Variants in IGLON5 observed in about 807,000 individuals in gnomAD.
IGLON5 encodes IgLON family member 5, also known as Ig-like domain-containing protein ENSP00000270642.
Under a neutral mutation model 38.2 loss-of-function variants are expected in IGLON5, and 16 were observed. The observed-to-expected ratio is 0.42, with a 90% CI of 0.28 to 0.64. The LOEUF (loss-of-function observed/expected upper bound fraction) is 0.64. Ranked by LOEUF, IGLON5 falls within the 30% of genes least tolerant of loss-of-function variation. IGLON5 has a pLI of 0.23. For synonymous variants in IGLON5, 207 were observed against 216.4 expected, an observed-to-expected ratio of 0.96 and a Z score of 0.38; for missense variants, 366 against 483.4, an observed-to-expected ratio of 0.76 and a Z score of 2.28.
chr19:51,328,699 G>C lies in IGLON5; in HGVS notation c.951G>C (p.Pro317=). Residue 317 remains proline (P), a synonymous_variant, in exon 8 of 8, where the codon CCG becomes CCC. Transcript: ENST00000270642. The part of the protein sequence containing the change: ...LRPGSLENSA[P]RPPGLLALLS... Reference sequence around the variant, plus strand: ...CAGGATCCCTGGAGAACTCAGCCCCGAGGCCCCCAGGGCTCCTGGCCCTCC... The same window carrying C: ...CAGGATCCCTGGAGAACTCAGCCCCCAGGCCCCCAGGGCTCCTGGCCCTCC... 6.3e-7 allele frequency: 1 copy of C among 1,595,582 alleles called. No homozygotes were observed. The highest frequency in any genetic ancestry group is 1.7e-5 in the Admixed American group (1 of 57,494).
At chr19:51,312,392 G>A (rs1188070149) in intron 1 of IGLON5, among the ~76,000 whole-genome samples, 3 of 152,110 alleles carry the variant, frequency 2.0e-5, no homozygotes, top group Non-Finnish European at 4.4e-5. Context: ...CCGGGGGCTG[G>A]GGTAGTCATC....
At position 51,327,590 on chromosome 19, in the gene IGLON5, C is replaced by T; in HGVS notation, c.768-142C>T. 1 of 1,222,264 alleles carries T rather than the reference C, an allele frequency of 8.2e-7. No homozygotes were observed. Among genetic ancestry groups the T allele is most frequent in the Non-Finnish European group, 1.1e-6 (1 of 891,698 alleles). 75.7% of individuals were successfully genotyped at this position (1,222,264 alleles called of 1,614,324 possible). A position where few individuals can be genotyped will look rare whatever the true frequency, so the allele number is the denominator to read the frequency against. On this transcript the variant is annotated intron_variant, in intron 6 of 7. Transcript: ENST00000270642. The surrounding 1 kb of genome is among the most constrained non-coding windows in gnomAD (Gnocchi z 7.1). ...GCGGCGGTGGGAGTGACCCGAGGTA[C>T]ATGAGGTGCTAGAACCCGAGGCGAT...
rs1293535898 is a variant in IGLON5 at position 51,330,448 on chromosome 19, A to AG, written c.*1689_*1690insG. 6.6e-6 allele frequency: 1 copy of AG among 152,192 alleles called. No individual in the cohort carries two copies. Among genetic ancestry groups the AG allele is most frequent in the African/African-American group, 2.4e-5 (1 of 41,428 alleles). The allele number at this position is 152,192 out of a possible 1,614,324, so 9.4% of individuals were successfully genotyped here. ...GTGGTGCCTCTCCAGCATCATTCCT[A>AG]CCGCCTACTTTCTCACTGGTAGACT... On this transcript the variant is annotated 3_prime_UTR_variant, in exon 8 of 8. Coordinates refer to ENST00000270642, the MANE Select transcript of IGLON5 (RefSeq NM_001101372.3).
chr19:51,325,357 A>C lies in IGLON5; in HGVS notation c.403A>C (p.Ile135Leu). Reference protein sequence around the residue: ...VYLIVHVPARIVNISSPVTVN... With the variant: ...VYLIVHVPARLVNISSPVTVN... Reference sequence around the variant, plus strand: ...GCCGCTGCCCGCAGTCCCTGCCCGCATTGTGAACATCTCGTCGCCTGTGAC... The same window carrying C: ...GCCGCTGCCCGCAGTCCCTGCCCGCCTTGTGAACATCTCGTCGCCTGTGAC... Residue 135 changes from isoleucine to leucine, a missense_variant, in exon 4 of 8, where the codon ATT becomes CTT. Physicochemically the swap from Ile to Leu is conservative, Grantham distance 5. Coordinates refer to ENST00000270642, the MANE Select transcript of IGLON5 (RefSeq NM_001101372.3). This position sits in a 1 kb window ranked among gnomAD's most constrained non-coding sequence, Gnocchi z 5.5. 1 of 1,613,804 alleles carries C rather than the reference A, an allele frequency of 6.2e-7. No individual in the cohort carries two copies. Among genetic ancestry groups the C allele is most frequent in the Non-Finnish European group, 8.5e-7 (1 of 1,179,798 alleles).
At chr19:51,321,023 TTGTG>T (rs201715323) in intron 1 of IGLON5, among the ~76,000 whole-genome samples, 10 of 152,006 alleles carry the variant, frequency 6.6e-5, no homozygotes, top group African/African-American at 1.7e-4. Context: ...ACATGTGTAT[TTGTG>T]TGTGTGTATG....
intron 1 of IGLON5, among the ~76,000 whole-genome samples, chr19:51,319,304 CGTGT>C (rs3077027): frequency 5.4e-4 from 80 of 149,116 alleles, no homozygotes; most frequent in East Asian, 1.0e-3. Context: ...TGTGTGTGTG[CGTGT>C]GTGTGTGTGT....
At position 51,327,074 on chromosome 19, in the gene IGLON5, C is replaced by T; in HGVS notation, c.647-6C>T. On this transcript the variant is annotated splice_region_variant and splice_polypyrimidine_tract_variant and intron_variant, in intron 5 of 7. Transcript: ENST00000270642. The surrounding 1 kb of genome is among the most constrained non-coding windows in gnomAD (Gnocchi z 7.1). Reference sequence around the variant, plus strand: ...GGAGAATTCGCTGACCCTTGCCCCTCGCCAGATCCTCCGACCATCACGGAC... The same window carrying T: ...GGAGAATTCGCTGACCCTTGCCCCTTGCCAGATCCTCCGACCATCACGGAC... The T allele has an allele frequency of 1.9e-6, 3 of 1,604,484 alleles. No individual in the cohort carries two copies. The highest frequency in any genetic ancestry group is 2.6e-6 in the Non-Finnish European group (3 of 1,174,406).
At position 51,325,269 on chromosome 19, in the gene IGLON5, C is replaced by G; in HGVS notation, c.392-77C>G. ...GAGGAGGAGGGGCTGGGGGTCTGGA[C>G]TCCTGGGTCTGAAGGAGGAAGGGCT... On this transcript the variant is annotated intron_variant, in intron 3 of 7. Transcript: ENST00000270642. The surrounding 1 kb of genome is among the most constrained non-coding windows in gnomAD (Gnocchi z 5.5). The G allele has an allele frequency of 6.4e-7, 1 of 1,562,110 alleles. No homozygotes were observed. Among genetic ancestry groups the G allele is most frequent in the Non-Finnish European group, 8.7e-7 (1 of 1,153,696 alleles).
intron 1 of IGLON5, among the ~76,000 whole-genome samples, chr19:51,318,981 G>A (rs1984988313): frequency 6.6e-6 from 1 of 152,222 alleles, no homozygotes; most frequent in Non-Finnish European, 1.5e-5. Context: ...ACAATGTCTG[G>A]AGGCATTTGT....
chr19:51,311,789 C>G lies in IGLON5; in HGVS notation c.-59C>G, dbSNP rs1407695717. ...CCCCCTCCCCCCTCTCCCCCCAGGC[C>G]TCGCGCGCCCCGGACCGGCCCCCCC... On this transcript the variant is annotated 5_prime_UTR_variant, in exon 1 of 8. Coordinates refer to ENST00000270642, the MANE Select transcript of IGLON5 (RefSeq NM_001101372.3). 2 of 327,802 alleles carry G rather than the reference C, an allele frequency of 6.1e-6. No homozygotes were observed. The highest frequency in any genetic ancestry group is 2.2e-5 in the African/African-American group (1 of 44,622). The allele number at this position is 327,802 out of a possible 1,614,324, so 20.3% of individuals were successfully genotyped here. A position where few individuals can be genotyped will look rare whatever the true frequency, so the allele number is the denominator to read the frequency against.
intron 2 of IGLON5, among the ~76,000 whole-genome samples, 191 bp downstream of exon 2, chr19:51,322,333 G>A (rs1482108700): frequency 6.6e-6 from 1 of 152,064 alleles, no homozygotes; most frequent in Non-Finnish European, 1.5e-5. Context: ...TCTGTCAAAG[G>A]GGTGGAGAGA....
chr19:51,316,498 C>CTTTTTTTTTTTTTTTTTTTTT (rs542147400), intron 1 of IGLON5, among the ~76,000 whole-genome samples: 1 of 136,098 alleles, frequency 7.3e-6, no homozygotes, highest in Non-Finnish European at 1.6e-5. Context: ...CTTTTCTTTT[C>CTTTTTTTTTTTTTTTTTTTTT]TTTTTTTTTT....
rs1242308964 is a variant in IGLON5 at position 51,329,274 on chromosome 19, T to C, written c.*515T>C. The C allele has an allele frequency of 6.6e-6, 1 of 152,406 alleles. No individual in the cohort carries two copies. Among genetic ancestry groups the C allele is most frequent in the Non-Finnish European group, 1.5e-5 (1 of 68,266 alleles). 9.4% of individuals were successfully genotyped at this position (152,406 alleles called of 1,614,324 possible). ...GCAGTGGAAGCTGTGAAGAGAGGCT[T>C]ACCAGGCTCCCTGCTTCCCCAATAT... On this transcript the variant is annotated 3_prime_UTR_variant, in exon 8 of 8. Transcript: ENST00000270642. This position sits in a 1 kb window ranked among gnomAD's most constrained non-coding sequence, Gnocchi z 4.3.
At position 51,329,640 on chromosome 19, in the gene IGLON5, C is replaced by G. The variant is rs1764118998; in HGVS notation, c.*881C>G. Reference sequence around the variant, plus strand: ...GTGCTTTGCCCTACCCTTGCCACCACTCCCCTTGGCCTTGATTTCCCCACC... The same window carrying G: ...GTGCTTTGCCCTACCCTTGCCACCAGTCCCCTTGGCCTTGATTTCCCCACC... On this transcript the variant is annotated 3_prime_UTR_variant, in exon 8 of 8. Coordinates refer to ENST00000270642, the MANE Select transcript of IGLON5 (RefSeq NM_001101372.3). The surrounding 1 kb of genome is among the most constrained non-coding windows in gnomAD (Gnocchi z 4.3). 6.6e-6 allele frequency: 1 copy of G among 152,294 alleles called. No homozygotes were observed. The highest frequency in any genetic ancestry group is 2.4e-5 in the African/African-American group (1 of 41,442). 9.4% of individuals were successfully genotyped at this position (152,294 alleles called of 1,614,324 possible). A position where few individuals can be genotyped will look rare whatever the true frequency, so the allele number is the denominator to read the frequency against.
In IGLON5 at chr19:51,315,841, G is replaced by A. The variant is rs978992504; in HGVS notation, c.79+3915G>A. Among the ~76,000 whole-genome samples, 17 of 151,664 alleles carry A rather than the reference G, an allele frequency of 1.1e-4. No homozygotes were observed. In the East Asian group the frequency reaches 1.4e-3, roughly 12 times the overall value. On this transcript the variant is annotated intron_variant, in intron 1 of 7. Transcript: ENST00000270642. ...CTCCCAAGTAGCTGGGACTACAGGCGCCCACCACCACGCCTGGCTAATTTT... is the reference window on the plus strand; with the variant it reads ...CTCCCAAGTAGCTGGGACTACAGGCACCCACCACCACGCCTGGCTAATTTT...
intron 1 of IGLON5, among the ~76,000 whole-genome samples, chr19:51,315,911 G>A (rs1984909627): frequency 6.6e-6 from 1 of 151,930 alleles, no homozygotes; most frequent in Non-Finnish European, 1.5e-5. Context: ...AGCCAGGATG[G>A]TCTCGATCTC....
chr19:51,312,229 C>T (rs1984784130), intron 1 of IGLON5, among the ~76,000 whole-genome samples: 1 of 151,460 alleles, frequency 6.6e-6, no homozygotes, highest in Non-Finnish European at 1.5e-5. Flanking sequence ...TGCCTGGGGG[C>T]AGGAGTCTGC....
intron 7 of IGLON5, 75 bp from the exon 8 acceptor site, chr19:51,328,596 A>T (rs1985273518): frequency 2.2e-6 from 2 of 899,682 alleles, no homozygotes; most frequent in Non-Finnish European, 3.3e-6. Context: ...CTCAGAAGAG[A>T]TGGGGCCCCT....
At chr19:51,320,887 A>G (rs1985037703) in intron 1 of IGLON5, among the ~76,000 whole-genome samples, 1 of 152,036 alleles carries the variant, frequency 6.6e-6, no homozygotes, top group Non-Finnish European at 1.5e-5. Flanking sequence ...GCCTGTGTGT[A>G]TATATTTGTG....
Sources: allele counts gnomAD v4.1 joint callset (sites outside exome capture counted in the v4.1 genomes callset), GRCh38; gene constraint gnomAD v4.1.1; non-coding constraint Gnocchi (gnomAD v3.1); transcripts MANE v1.5; gene names NCBI Gene and HGNC (gene_info 2026-07-23, HGNC 2026-07-21).